ATP9A: variants seen among roughly 807,000 people sequenced by gnomAD.
ATP9A encodes ATPase phospholipid transporting 9A.
ATP9A carries 52 observed loss-of-function variants against 144.1 expected under a neutral mutation model. That is an observed-to-expected ratio of 0.36 (90% CI 0.29 to 0.45). ATP9A has a LOEUF of 0.45. Ranked by LOEUF, ATP9A falls within the 20% of genes least tolerant of loss-of-function variation. The pLI, the probability that ATP9A is intolerant of heterozygous loss-of-function variation, is 1.00. For synonymous variants in ATP9A, 582 were observed against 557.4 expected, an observed-to-expected ratio of 1.04 and a Z score of -0.62; for missense variants, 947 against 1,392.7, an observed-to-expected ratio of 0.68 and a Z score of 5.09.
intron 25 of ATP9A, 28 bp downstream of exon 25, chr20:51,608,490 G>A: frequency 5.0e-6 from 7 of 1,405,822 alleles, no homozygotes; most frequent in Admixed American, 1.7e-5. Flanking sequence ...AGGAAAGGAG[G>A]AAGGAGGGAC....
At chr20:51,717,075 G>A (rs1223569868) in intron 3 of ATP9A, among the ~76,000 whole-genome samples, 2 of 151,464 alleles carry the variant, frequency 1.3e-5, no homozygotes, top group East Asian at 3.9e-4. Context: ...GGGTGGCTGA[G>A]GCAGGAGAAT....
At chr20:51,657,216 C>G in intron 13 of ATP9A, 66 bp from the exon 14 acceptor site, 1 of 1,317,108 alleles carries the variant, frequency 7.6e-7, no homozygotes, top group Admixed American at 1.9e-5. Flanking sequence ...AGTGGAAGAA[C>G]AGCCGTGCAG....
At chr20:51,688,563 G>A (rs2077533619) in intron 9 of ATP9A, among the ~76,000 whole-genome samples, 1 of 151,908 alleles carries the variant, frequency 6.6e-6, no homozygotes, top group Non-Finnish European at 1.5e-5. Context: ...CTGTACTCCA[G>A]CCTAGGTGAC....
At chr20:51,645,669 G>C (rs2122755676) in intron 14 of ATP9A, among the ~76,000 whole-genome samples, 1 of 152,240 alleles carries the variant, frequency 6.6e-6, no homozygotes, top group South Asian at 2.1e-4. Context: ...TTAATTTAAA[G>C]CTACTTTCTA....
chr20:51,613,912 A>T, intron 22 of ATP9A, 80 bp from the exon 23 acceptor site: 1 of 1,396,236 alleles, frequency 7.2e-7, no homozygotes, highest in Non-Finnish European at 9.6e-7. Context: ...AAAAAGCAAG[A>T]CATTGTAGGA....
intron 3 of ATP9A, among the ~76,000 whole-genome samples, chr20:51,720,524 G>A (rs2077684126): frequency 6.6e-6 from 1 of 152,118 alleles, no homozygotes; most frequent in Non-Finnish European, 1.5e-5. Flanking sequence ...GGGCATCTCA[G>A]TTTATAAGGT....
At position 51,597,068 on chromosome 20, in the gene ATP9A, T is replaced by C. The variant is rs2077122306; in HGVS notation, c.*4143A>G. 6.6e-6 allele frequency: 1 copy of C among 152,156 alleles called. No homozygotes were observed. Among genetic ancestry groups the C allele is most frequent in the Non-Finnish European group, 1.5e-5 (1 of 68,038 alleles). 9.4% of individuals were successfully genotyped at this position (152,156 alleles called of 1,614,324 possible). ...AGTTAACCCCACTGCAACAAAATAATAAATTAGCCATAATTTGTTTTTTTT... is the reference window on the plus strand; with the variant it reads ...AGTTAACCCCACTGCAACAAAATAACAAATTAGCCATAATTTGTTTTTTTT... On this transcript the variant is annotated 3_prime_UTR_variant, in exon 28 of 28. Transcript: ENST00000338821.
At chr20:51,762,952 T>G (rs944782542) in intron 1 of ATP9A, among the ~76,000 whole-genome samples, 3 of 151,932 alleles carry the variant, frequency 2.0e-5, no homozygotes, top group African/African-American at 7.3e-5. Context: ...ACTCCAGGGC[T>G]CAAGCAATCC....
Position 51,623,801 on chromosome 20 carries a change from A to AAAAGAAAGAAAG in ATP9A, c.2016+1379_2016+1390dup, listed in dbSNP as rs71192537. Reference sequence around the variant, plus strand: ...AAACTCTGTCTCAAAAAAAAAAAAAAAAAGAAAGAAAGAAAGAAAAGAAAA... The same window carrying AAAAGAAAGAAAG: ...AAACTCTGTCTCAAAAAAAAAAAAAAAAAGAAAGAAAGAAAGAAAGAAAGAAAGAAAAGAAAA... On this transcript the variant is annotated intron_variant, in intron 18 of 27. Coordinates refer to ENST00000338821, the MANE Select transcript of ATP9A (RefSeq NM_006045.3). Among the ~76,000 whole-genome samples the AAAAGAAAGAAAG allele has an allele frequency of 5.2e-4, 70 of 133,418 alleles. 1 individual carries two copies. In the East Asian group the frequency reaches 5.3e-3, roughly 10 times the overall value. 87.5% of individuals were successfully genotyped at this position (133,418 alleles called of 152,430 possible).
At chr20:51,733,220 C>T in intron 1 of ATP9A, among the ~76,000 whole-genome samples, 1 of 152,140 alleles carries the variant, frequency 6.6e-6, no homozygotes, top group East Asian at 1.9e-4. Flanking sequence ...GGAAACAAAT[C>T]TAACCATTTG....
chr20:51,634,469 T>C (rs1440188437), intron 15 of ATP9A, among the ~76,000 whole-genome samples: 1 of 152,078 alleles, frequency 6.6e-6, no homozygotes, highest in East Asian at 1.9e-4. Context: ...GCAGCAGCTG[T>C]GTGGGAGAGA....
chr20:51,760,272 C>T (rs976745607), intron 1 of ATP9A, among the ~76,000 whole-genome samples: 3 of 143,926 alleles, frequency 2.1e-5, no homozygotes, highest in South Asian at 2.2e-4. Flanking sequence ...ATTAAATATG[C>T]GGTTTTTAAA....
intron 14 of ATP9A, among the ~76,000 whole-genome samples, chr20:51,655,643 G>A (rs759087576): frequency 8.5e-5 from 13 of 152,144 alleles, no homozygotes; most frequent in Admixed American, 1.3e-4. Flanking sequence ...AGGATTGACC[G>A]AGATGTGGAG....
intron 1 of ATP9A, among the ~76,000 whole-genome samples, chr20:51,751,267 T>G (rs1419779877): frequency 2.0e-5 from 3 of 148,374 alleles, no homozygotes; most frequent in African/African-American, 5.0e-5. Flanking sequence ...TTTTGTTTTT[T>G]TTTTTTTTTT....
chr20:51,673,427 CA>C, intron 11 of ATP9A, among the ~76,000 whole-genome samples: 1 of 152,232 alleles, frequency 6.6e-6, no homozygotes, highest in African/African-American at 2.4e-5. Flanking sequence ...ATCAGGTAGG[CA>C]AAGGACTGGC....
rs35997419 is a variant in ATP9A at position 51,600,807 on chromosome 20, AACACACACACACACAC to A, written c.*388_*403del. On this transcript the variant is annotated 3_prime_UTR_variant, in exon 28 of 28. Coordinates refer to ENST00000338821, the MANE Select transcript of ATP9A (RefSeq NM_006045.3). ...TACATACACATTAGGACTCTTTAAA[AACACACACACACACAC>A]ACACACACACACACACACACACAAG... 4 of 120,524 alleles carry A rather than the reference AACACACACACACACAC, an allele frequency of 3.3e-5. No homozygotes were observed. The highest frequency in any genetic ancestry group is 2.6e-4 in the South Asian group (1 of 3,854). 7.5% of individuals were successfully genotyped at this position (120,524 alleles called of 1,614,324 possible). A position where few individuals can be genotyped will look rare whatever the true frequency, so the allele number is the denominator to read the frequency against.
In ATP9A at chr20:51,618,977, C is replaced by G; in HGVS notation, c.2182G>C (p.Val728Leu). The G allele has an allele frequency of 6.2e-7, 1 of 1,614,150 alleles. No individual in the cohort carries two copies. Among genetic ancestry groups the G allele is most frequent in the Non-Finnish European group, 8.5e-7 (1 of 1,180,014 alleles). ...AFRRKHDCALVISGDSLEVCL... is the reference protein window; with the variant it reads ...AFRRKHDCALLISGDSLEVCL... Reference sequence around the variant, plus strand: ...ACCTCCAGGGAGTCTCCCGAGATGACCAGGGCACAATCATGCTTCCTGCGG... The same window carrying G: ...ACCTCCAGGGAGTCTCCCGAGATGAGCAGGGCACAATCATGCTTCCTGCGG... The change falls in exon 20 of 28, where the codon GTC (valine) becomes CTC (leucine). Residue 728 changes from valine to leucine, a missense_variant. Val to Leu is a conservative substitution (Grantham distance 32). Around this residue, in one of 2 missense-constraint regions of ATP9A, gnomAD observed 770 missense variants for 1,047.9 expected, o/e 0.73. Transcript: ENST00000338821.
chr20:51,704,624 T>C (rs1474621135), intron 4 of ATP9A, among the ~76,000 whole-genome samples: 1 of 151,988 alleles, frequency 6.6e-6, no homozygotes. Flanking sequence ...CTACTAAAAA[T>C]ACAAAATTAG....
chr20:51,675,397 C>T (rs567784697), intron 10 of ATP9A, among the ~76,000 whole-genome samples: 63 of 152,208 alleles, frequency 4.1e-4, no homozygotes, highest in African/African-American at 1.5e-3. Context: ...TGGTGGGTCA[C>T]GGTTTGAATC....
Sources: allele counts gnomAD v4.1 joint callset (sites outside exome capture counted in the v4.1 genomes callset), GRCh38; gene constraint gnomAD v4.1.1; regional missense constraint gnomAD v4.1.1; transcripts MANE v1.5; gene names NCBI Gene and HGNC (gene_info 2026-07-23, HGNC 2026-07-21).